The following KIF7 variants were observed in gnomAD, a reference collection of about 807,000 sequenced individuals.
KIF7 encodes the protein kinesin-like protein KIF7.
In KIF7, 104 loss-of-function variants were observed where a neutral mutation model predicts 135.7. The ratio of observed to expected loss-of-function variants is 0.77; its 90% confidence interval spans 0.65 to 0.90. KIF7 has a LOEUF of 0.90. KIF7 is among the 40% of genes least tolerant of loss of function. The probability of loss-of-function intolerance (pLI) is 0.00; values close to 1 mark genes in which losing one functional copy is unlikely to be tolerated. For missense variants in KIF7, 2,005 were observed against 1,839.1 expected (o/e 1.09, Z -1.65); for synonymous variants, 883 against 809.4 (o/e 1.09, Z -1.54).
chr15:89,645,389 T>C lies in KIF7; in HGVS notation c.1985A>G (p.Lys662Arg). 6.2e-7 allele frequency: 1 copy of C among 1,613,978 alleles called. No homozygotes were observed. Among genetic ancestry groups the C allele is most frequent in the South Asian group, 1.1e-5 (1 of 91,084 alleles). Residue 662 changes from lysine to arginine, a missense_variant, in exon 9 of 19, where the codon AAG becomes AGG. Coordinates refer to ENST00000394412, the MANE Select transcript of KIF7 (RefSeq NM_198525.3). ...GARPGSLPER[K>R]GPELCLEELD... ...CTCCTCAAGGCAAAGCTCTGGGCCC[T>C]TCCTCTCTGGCAGACTCCCTGGGCG...
At chr15:89,643,114 G>A (rs1256786413) in intron 10 of KIF7, among the ~76,000 whole-genome samples, 2 of 152,198 alleles carry the variant, frequency 1.3e-5, no homozygotes, top group Non-Finnish European at 2.9e-5. Flanking sequence ...GGATGACTGA[G>A]AGAAGGGAGA....
chr15:89,633,543 G>GA, intron 12 of KIF7, 143 bp downstream of exon 12: 1 of 961,070 alleles, frequency 1.0e-6, no homozygotes, highest in Non-Finnish European at 1.6e-6. Context: ...ATTTTCAGAT[G>GA]AAAAAACAGA....
chr15:89,652,494 C>G, intron 2 of KIF7, 109 bp downstream of exon 2: 2 of 877,248 alleles, frequency 2.3e-6, no homozygotes, highest in Non-Finnish European at 1.7e-6. Flanking sequence ...TCTTCCTCCC[C>G]CAGCATCCCC....
At chr15:89,621,622 G>T in intron 1 of KIF7, 1 of 1,320,784 alleles carries the variant, frequency 7.6e-7, no homozygotes, top group Admixed American at 2.4e-5. Context: ...GGAACTCAGA[G>T]TCCATTAGGG....
intron 8 of KIF7, among the ~76,000 whole-genome samples, 185 bp downstream of exon 8, chr15:89,645,708 G>T (rs1964000008): frequency 6.6e-6 from 1 of 152,150 alleles, no homozygotes; most frequent in Admixed American, 6.5e-5. Flanking sequence ...ACTCGCTCCA[G>T]TGAGACCTTT....
the KIF7 span, among the ~76,000 whole-genome samples, chr15:89,661,210 A>G: frequency 2.6e-5 from 4 of 152,226 alleles, no homozygotes; most frequent in African/African-American, 9.7e-5. Context: ...GCATATTTAT[A>G]TATACTCATT....
chr15:89,629,365 G>A lies in KIF7; in HGVS notation c.3517+10C>T. 1 of 1,583,184 alleles carries A rather than the reference G, an allele frequency of 6.3e-7. No individual in the cohort carries two copies. The highest frequency in any genetic ancestry group is 8.5e-7 in the Non-Finnish European group (1 of 1,169,910). ...GGCCGGGGTTGTGAGCCATGGGCCG[G>A]GCTGCTCACCTCGACTCTGCTGCAG... On this transcript the variant is annotated intron_variant, in intron 17 of 18. Coordinates refer to ENST00000394412, the MANE Select transcript of KIF7 (RefSeq NM_198525.3).
At chr15:89,645,494 G>T in intron 8 of KIF7, 43 bp from the exon 9 acceptor site, 2 of 1,499,280 alleles carry the variant, frequency 1.3e-6, no homozygotes, top group Non-Finnish European at 1.8e-6. Context: ...CCCAGCCCCT[G>T]CCCCAGCCTA....
upstream of KIF7, among the ~76,000 whole-genome samples, chr15:89,655,839 T>C (rs1964201226): frequency 6.6e-6 from 1 of 152,146 alleles, no homozygotes; most frequent in Non-Finnish European, 1.5e-5. Flanking sequence ...GTTATAAGAC[T>C]CTCTTTTTCT....
At chr15:89,639,932 C>G (rs1963886099) in intron 11 of KIF7, among the ~76,000 whole-genome samples, 2 of 152,132 alleles carry the variant, frequency 1.3e-5, no homozygotes, top group Non-Finnish European at 2.9e-5. Context: ...GAAAATGTGG[C>G]ACTTATACAC....
chr15:89,660,184 A>G (rs1246843064), upstream of KIF7, among the ~76,000 whole-genome samples: 1 of 152,202 alleles, frequency 6.6e-6, no homozygotes, highest in Non-Finnish European at 1.5e-5. Flanking sequence ...TGGGACTAGA[A>G]TGAAACTTGG....
In KIF7 at chr15:89,652,742, C is replaced by T. The variant is rs1964143520; in HGVS notation, c.189G>A (p.Glu63=). ...RHFGFHVVLA[E]DAGQEAVYQA... The stretch of plus-strand genomic sequence containing the variant: ...GGTACACGGCCTCCTGCCCCGCATC[C>T]TCGGCCAGCACCACGTGGAAGCCAA... The change falls in exon 2 of 19, where the codon GAG becomes GAA. Residue 63 remains glutamate, a synonymous_variant. Coordinates refer to ENST00000394412, the MANE Select transcript of KIF7 (RefSeq NM_198525.3). 6.4e-7 allele frequency: 1 copy of T among 1,551,720 alleles called. No individual in the cohort carries two copies. Among genetic ancestry groups the T allele is most frequent in the Non-Finnish European group, 8.7e-7 (1 of 1,146,980 alleles).
Position 89,645,418 on chromosome 15 carries a change from C to A in KIF7, c.1956G>T (p.Gly652=). Residue 652 remains glycine (G), a synonymous_variant, in exon 9 of 19, where the codon GGG becomes GGT. Coordinates refer to ENST00000394412, the MANE Select transcript of KIF7 (RefSeq NM_198525.3). Reference sequence around the variant, plus strand: ...TCTCTGGCAGACTCCCTGGGCGTGCCCCCGCCCTCTGACTGCAGTTGCTGA... The same window carrying A: ...TCTCTGGCAGACTCCCTGGGCGTGCACCCGCCCTCTGACTGCAGTTGCTGA... ...NRISNCSQRA[G]ARPGSLPERK... 1.9e-6 allele frequency: 3 copies of A among 1,613,976 alleles called. No individual in the cohort carries two copies. Among genetic ancestry groups the A allele is most frequent in the Non-Finnish European group, 1.7e-6 (2 of 1,179,896 alleles).
rs886042165 is a variant in KIF7 at position 89,631,709 on chromosome 15, G to A, written c.2897C>T (p.Ala966Val). 1.3e-6 allele frequency: 2 copies of A among 1,550,970 alleles called. No homozygotes were observed. The highest frequency in any genetic ancestry group is 1.2e-5 in the South Asian group (1 of 84,142). The stretch of plus-strand genomic sequence containing the variant: ...CACTCGCACGATGTCCTCGTTGAGG[G>A]CCTGGGGGCAGAATCACCAGGGATT... ...LESKRLRSSQALNEDIVRVSS... is the reference protein window; with the variant it reads ...LESKRLRSSQVLNEDIVRVSS... The change falls in exon 15 of 19, where the codon GCC becomes GTC. Residue 966 changes from alanine to valine, a missense_variant and splice_region_variant. Transcript: ENST00000394412.
At chr15:89,638,974 C>A (rs1963865635) in intron 11 of KIF7, among the ~76,000 whole-genome samples, 1 of 151,802 alleles carries the variant, frequency 6.6e-6, no homozygotes, top group Non-Finnish European at 1.5e-5. Context: ...AGAACAGAGC[C>A]CTCAGAAATA....
At chr15:89,633,521 A>G (rs545097406) in intron 12 of KIF7, among the ~76,000 whole-genome samples, 165 bp downstream of exon 12, 4 of 152,290 alleles carry the variant, frequency 2.6e-5, no homozygotes, top group Admixed American at 1.3e-4. Flanking sequence ...TGAGTTTCCT[A>G]TAACATTCCA....
intron 15 of KIF7, chr15:89,630,876 G>C (rs1719918432): frequency 2.7e-6 from 1 of 369,194 alleles, no homozygotes; most frequent in African/African-American, 2.1e-5. Flanking sequence ...TCGACGTCGT[G>C]CAAACATCAG....
intron 12 of KIF7, 133 bp downstream of exon 12, chr15:89,633,553 A>G (rs1357397466): frequency 3.0e-6 from 3 of 1,005,284 alleles, no homozygotes; most frequent in Admixed American, 2.2e-5. Flanking sequence ...GAAAAAACAG[A>G]CTCAGGCTAA....
chr15:89,639,950 T>C (rs1415564715), intron 11 of KIF7, among the ~76,000 whole-genome samples: 1 of 152,230 alleles, frequency 6.6e-6, no homozygotes, highest in East Asian at 1.9e-4. Flanking sequence ...CACCATGGAA[T>C]ACTGTGCAGC....
Sources: allele counts gnomAD v4.1 joint callset (sites outside exome capture counted in the v4.1 genomes callset), GRCh38; gene constraint gnomAD v4.1.1; transcripts MANE v1.5; gene names NCBI Gene and HGNC (gene_info 2026-07-23, HGNC 2026-07-21).